PPHLN1: variants seen among roughly 807,000 people sequenced by gnomAD.
PPHLN1 encodes periphilin-1.
Under a neutral mutation model 51.3 loss-of-function variants are expected in PPHLN1, and 29 were observed. The observed-to-expected ratio is 0.57, with a 90% CI of 0.42 to 0.77. The LOEUF is 0.77. Among genes scored for constraint, PPHLN1 ranks in the 30% least tolerant of loss-of-function variants. The pLI is 0.00. For missense variants in PPHLN1, 436 were observed against 438.4 expected, an observed-to-expected ratio of 0.99 and a Z score of 0.05; for synonymous variants, 147 against 147.8, an observed-to-expected ratio of 0.99 and a Z score of 0.04.
intron 5 of PPHLN1, among the ~76,000 whole-genome samples, chr12:42,378,404 A>G (rs1310980853): frequency 6.6e-6 from 1 of 152,130 alleles, no homozygotes; most frequent in Non-Finnish European, 1.5e-5. Context: ...AAATGTCACA[A>G]ATATTGCAGC....
At chr12:42,333,176 G>T (rs12820881) in intron 1 of PPHLN1, among the ~76,000 whole-genome samples, 1 of 151,764 alleles carries the variant, frequency 6.6e-6, no homozygotes, top group African/African-American at 2.4e-5. Context: ...TGTTACTGGG[G>T]TTACTTTTCT....
chr12:42,445,041 T>C, downstream of PPHLN1: 1 of 702,374 alleles, frequency 1.4e-6, no homozygotes, highest in East Asian at 2.7e-5. Flanking sequence ...TGTTTATTTA[T>C]TGCAGAACCT....
chr12:42,330,486 G>A (rs1339677789), intron 1 of PPHLN1, among the ~76,000 whole-genome samples: 1 of 152,158 alleles, frequency 6.6e-6, no homozygotes, highest in Non-Finnish European at 1.5e-5. Flanking sequence ...TTTCCGCAGG[G>A]CATTGTGCCC....
chr12:42,403,002 A>T (rs148760147), intron 9 of PPHLN1, among the ~76,000 whole-genome samples: 1 of 152,340 alleles, frequency 6.6e-6, no homozygotes, highest in Non-Finnish European at 1.5e-5. Flanking sequence ...TGAAATGTAC[A>T]GTCTTGAAAA....
chr12:42,345,201 C>T (rs905895675), intron 2 of PPHLN1, among the ~76,000 whole-genome samples: 1 of 152,000 alleles, frequency 6.6e-6, no homozygotes, highest in Non-Finnish European at 1.5e-5. Context: ...TTATTCTGAC[C>T]AGATTCTCAT....
At chr12:42,361,005 G>C (rs2074615311) in intron 4 of PPHLN1, among the ~76,000 whole-genome samples, 1 of 152,126 alleles carries the variant, frequency 6.6e-6, no homozygotes, top group South Asian at 2.1e-4. Context: ...AGCATCCACT[G>C]ATGGTTTTGC....
At chr12:42,442,874 C>T (rs951730354), downstream of PPHLN1, 2 of 1,392,036 alleles carry the variant, frequency 1.4e-6, no homozygotes, top group Non-Finnish European at 1.9e-6. Context: ...TTAAAGCTAG[C>T]AGAGCCTCGG....
intron 9 of PPHLN1, among the ~76,000 whole-genome samples, chr12:42,429,904 TTTG>T (rs1353024347): frequency 3.9e-5 from 6 of 152,224 alleles, no homozygotes; most frequent in Admixed American, 3.3e-4. Flanking sequence ...TTTTGCTCTA[TTTG>T]TTTTGTCACT....
intron 2 of PPHLN1, among the ~76,000 whole-genome samples, chr12:42,336,670 C>T (rs2137817748): frequency 6.6e-6 from 1 of 152,258 alleles, no homozygotes; most frequent in African/African-American, 2.4e-5. Context: ...AATAGAAGCT[C>T]AATATTTATT....
At chr12:42,380,838 A>G (rs2138916153) in intron 5 of PPHLN1, among the ~76,000 whole-genome samples, 1 of 152,302 alleles carries the variant, frequency 6.6e-6, no homozygotes, top group Non-Finnish European at 1.5e-5. Flanking sequence ...ATATCCTAGC[A>G]TTTCTTGGTT....
At chr12:42,444,844 A>G (rs569143909), downstream of PPHLN1, 1 of 568,640 alleles carries the variant, frequency 1.8e-6, no homozygotes, top group South Asian at 2.2e-5. Context: ...CCCATACCTA[A>G]CGCTGTAATG....
chr12:42,370,441 T>A (rs2075698826), intron 4 of PPHLN1, among the ~76,000 whole-genome samples: 1 of 152,222 alleles, frequency 6.6e-6, no homozygotes, highest in Non-Finnish European at 1.5e-5. Context: ...ACAAAGGCCT[T>A]TTGATGAGAA....
intron 4 of PPHLN1, among the ~76,000 whole-genome samples, chr12:42,362,218 A>AT (rs973442345): frequency 6.6e-6 from 1 of 150,944 alleles, no homozygotes; most frequent in Non-Finnish European, 1.5e-5. Context: ...GAGTTTTTTG[A>AT]TTTTTTTTAA....
chr12:42,424,308 C>A (rs1198139474), intron 9 of PPHLN1, among the ~76,000 whole-genome samples: 1 of 152,198 alleles, frequency 6.6e-6, no homozygotes, highest in Non-Finnish European at 1.5e-5. Flanking sequence ...CAGGGTTTCT[C>A]ATGTAACAGG....
Position 42,440,466 on chromosome 12 carries a change from T to C in PPHLN1, c.910-849T>C, listed in dbSNP as rs59321446. Among the ~76,000 whole-genome samples the C allele has an allele frequency of 9.1e-3, 1,387 of 152,338 alleles. 22 individuals are homozygous for C. Among genetic ancestry groups the C allele is most frequent in the African/African-American group, 0.031 (1,291 of 41,566 alleles). ...TTTCTGTTGTTGAGTTCTAATTCCA[T>C]TGTGATCTGAAAGCATACTTTATAT... On this transcript the variant is annotated intron_variant, in intron 9 of 9. Transcript: ENST00000358314.
downstream of PPHLN1, chr12:42,442,536 A>G (rs2083048848): frequency 1.4e-6 from 2 of 1,471,884 alleles, no homozygotes; most frequent in Non-Finnish European, 1.8e-6. Context: ...CCAGCTTATC[A>G]GGACTGCACT....
In PPHLN1 at chr12:42,398,965, A is replaced by G. The variant is rs776355372; in HGVS notation, c.880A>G (p.Ile294Val). 4.3e-6 allele frequency: 7 copies of G among 1,613,860 alleles called. No individual in the cohort carries two copies. The South Asian group carries it at 4.4e-5, about 10-fold the overall frequency. Reference protein sequence around the residue: ...DSQLTTRSKAIASKTKEIEQV... With the variant: ...DSQLTTRSKAVASKTKEIEQV... ...TCAGCTAACCACTCGCTCTAAAGCA[A>G]TAGCATCAAAAACCAAAGAGATTGA... is the stretch of plus-strand genomic sequence containing the variant. Residue 294 changes from isoleucine to valine, a missense_variant, in exon 9 of 10, where the codon ATA (isoleucine) becomes GTA (valine). Transcript: ENST00000358314.
chr12:42,399,281 G>A (rs1320894381), intron 9 of PPHLN1: 11 of 924,142 alleles, frequency 1.2e-5, no homozygotes. Flanking sequence ...ATAGGGATGG[G>A]ATGGAAGAAA....
intron 5 of PPHLN1, among the ~76,000 whole-genome samples, chr12:42,378,096 CTT>C (rs988299879): frequency 3.8e-4 from 5 of 13,264 alleles, no homozygotes; most frequent in African/African-American, 6.3e-4. Flanking sequence ...CTTTCTCTTT[CTT>C]TCTTTCTTTC....
Sources: allele counts gnomAD v4.1 joint callset (sites outside exome capture counted in the v4.1 genomes callset), GRCh38; gene constraint gnomAD v4.1.1; transcripts MANE v1.5; gene names NCBI Gene and HGNC (gene_info 2026-07-23, HGNC 2026-07-21).